JARID2: variants seen among roughly 807,000 people sequenced by gnomAD.
JARID2 encodes jumonji and AT-rich interaction domain containing 2.
In JARID2, 21 loss-of-function variants were observed where a neutral mutation model predicts 125.6. The observed-to-expected ratio is 0.17, with a 90% confidence interval of 0.12 to 0.24. The LOEUF is 0.24. Ranked by LOEUF, JARID2 falls within the 10% of genes least tolerant of loss-of-function variation. The pLI is 1.00. For synonymous variants in JARID2, 736 were observed against 661.6 expected, an observed-to-expected ratio of 1.11 and a Z score of -1.73; for missense variants, 1,303 against 1,639.6, an observed-to-expected ratio of 0.79 and a Z score of 3.55.
Position 15,520,999 on chromosome 6 carries a change from A to G in JARID2, c.*748A>G. ...GAGACCTGTGCCTGATTTCATTAGGAAATCCATTCTGTTATTTTTTGGTGC... is the reference window on the plus strand; with the variant it reads ...GAGACCTGTGCCTGATTTCATTAGGGAATCCATTCTGTTATTTTTTGGTGC... On this transcript the variant is annotated 3_prime_UTR_variant, in exon 18 of 18. Coordinates refer to ENST00000341776, the MANE Select transcript of JARID2 (RefSeq NM_004973.4). 1.0e-5 allele frequency: 2 copies of G among 193,010 alleles called. No individual in the cohort carries two copies. The highest frequency in any genetic ancestry group is 1.2e-4 in the South Asian group (2 of 16,446). The allele number at this position is 193,010 out of a possible 1,614,324, so 12.0% of individuals were successfully genotyped here. A position where few individuals can be genotyped will look rare whatever the true frequency, so the allele number is the denominator to read the frequency against.
At chr6:15,456,907 A>G (rs1456161551) in intron 4 of JARID2, among the ~76,000 whole-genome samples, 2 of 130,186 alleles carry the variant, frequency 1.5e-5, no homozygotes, top group African/African-American at 6.1e-5. Flanking sequence ...TTACAATCAT[A>G]AAAGTAGTTC....
chr6:15,300,309 G>A (rs1761559355), intron 1 of JARID2, among the ~76,000 whole-genome samples: 1 of 152,168 alleles, frequency 6.6e-6, no homozygotes, highest in Non-Finnish European at 1.5e-5. Context: ...TATATTTTAA[G>A]GAAAGGTGTA....
At chr6:15,270,827 G>T (rs1045623027) in intron 1 of JARID2, among the ~76,000 whole-genome samples, 1 of 152,062 alleles carries the variant, frequency 6.6e-6, no homozygotes, top group Non-Finnish European at 1.5e-5. Flanking sequence ...TGTAATCCCA[G>T]GTACTTGGGA....
At chr6:15,317,616 A>G (rs921184569) in intron 1 of JARID2, among the ~76,000 whole-genome samples, 3 of 151,486 alleles carry the variant, frequency 2.0e-5, no homozygotes, top group Non-Finnish European at 4.4e-5. Flanking sequence ...TGATGGGTCC[A>G]TAGTCCACTG....
intron 3 of JARID2, among the ~76,000 whole-genome samples, chr6:15,432,368 C>T (rs1767002609): frequency 6.6e-6 from 1 of 152,166 alleles, no homozygotes; most frequent in Admixed American, 6.5e-5. Context: ...GCAGAGGTGG[C>T]AGTGAGCTGA....
chr6:15,502,602 A>G (rs968996392), intron 8 of JARID2, among the ~76,000 whole-genome samples: 4 of 152,112 alleles, frequency 2.6e-5, no homozygotes, highest in African/African-American at 9.7e-5. Context: ...ACCATCACAC[A>G]TCTTAGAAAT....
intron 1 of JARID2, among the ~76,000 whole-genome samples, chr6:15,263,146 T>A (rs1759952831): frequency 6.6e-6 from 1 of 151,626 alleles, no homozygotes; most frequent in Admixed American, 6.6e-5. Flanking sequence ...CCTTACTGCC[T>A]GTCACTCTCC....
chr6:15,482,106 C>T (rs1184617724), intron 5 of JARID2, among the ~76,000 whole-genome samples: 3 of 152,310 alleles, frequency 2.0e-5, no homozygotes, highest in Non-Finnish European at 1.5e-5. Flanking sequence ...GCTGACTAAC[C>T]ACAGTCACAC....
At chr6:15,464,511 G>T (rs924807674) in intron 4 of JARID2, among the ~76,000 whole-genome samples, 6 of 152,298 alleles carry the variant, frequency 3.9e-5, no homozygotes, top group Middle Eastern at 3.4e-3. Flanking sequence ...GCCCTTGGAG[G>T]ATGATGCCAA....
intron 1 of JARID2, among the ~76,000 whole-genome samples, chr6:15,367,975 A>C (rs1274807038): frequency 1.3e-5 from 2 of 151,786 alleles, no homozygotes; most frequent in Non-Finnish European, 2.9e-5. Flanking sequence ...TTGAGGGCCC[A>C]TATTATTGAA....
intron 1 of JARID2, among the ~76,000 whole-genome samples, chr6:15,347,166 A>G (rs1241348418): frequency 1.3e-5 from 2 of 152,226 alleles, no homozygotes; most frequent in African/African-American, 4.8e-5. Context: ...TTCAGCAGCT[A>G]CTATATATTT....
At chr6:15,458,892 A>G (rs1768318066) in intron 4 of JARID2, among the ~76,000 whole-genome samples, 1 of 152,210 alleles carries the variant, frequency 6.6e-6, no homozygotes, top group Non-Finnish European at 1.5e-5. Flanking sequence ...TAAGCCTCAG[A>G]TTCTGCATGC....
intron 1 of JARID2, among the ~76,000 whole-genome samples, chr6:15,264,507 C>T (rs1393222073): frequency 1.3e-5 from 2 of 152,076 alleles, no homozygotes; most frequent in Non-Finnish European, 2.9e-5. Context: ...GTTTGGCTTA[C>T]TAACAGGAGC....
In JARID2 at chr6:15,499,126, A is replaced by G. The variant is rs559197242; in HGVS notation, c.1946-1781A>G. ...CACCCAGAAGTCTAAGGCGTCTGACATTCTGTCCCAGGGGTACTGACCTGT... is the reference window on the plus strand; with the variant it reads ...CACCCAGAAGTCTAAGGCGTCTGACGTTCTGTCCCAGGGGTACTGACCTGT... On this transcript the variant is annotated intron_variant, in intron 7 of 17. Transcript: ENST00000341776. Among the ~76,000 whole-genome samples, 12 of 152,276 alleles carry G rather than the reference A, an allele frequency of 7.9e-5. No individual in the cohort carries two copies. In the South Asian group the frequency reaches 2.5e-3, roughly 32 times the overall value.
chr6:15,362,284 A>G (rs1763826019), intron 1 of JARID2, among the ~76,000 whole-genome samples: 1 of 152,234 alleles, frequency 6.6e-6, no homozygotes, highest in Non-Finnish European at 1.5e-5. Flanking sequence ...TCTTTGCAAT[A>G]CAGAACGAAC....
intron 1 of JARID2, among the ~76,000 whole-genome samples, chr6:15,338,312 CCT>C (rs1173137869): frequency 6.6e-6 from 1 of 152,222 alleles, no homozygotes; most frequent in Non-Finnish European, 1.5e-5. Flanking sequence ...AGCTTATACT[CCT>C]CTGGAGTGTG....
At chr6:15,473,193 T>C (rs574219222) in intron 5 of JARID2, among the ~76,000 whole-genome samples, 10 of 152,218 alleles carry the variant, frequency 6.6e-5, no homozygotes, top group Non-Finnish European at 1.5e-4. Flanking sequence ...GTGAATGATA[T>C]TAACCATTTA....
At chr6:15,421,469 A>G (rs890038117) in intron 3 of JARID2, among the ~76,000 whole-genome samples, 1 of 152,160 alleles carries the variant, frequency 6.6e-6, no homozygotes, top group Non-Finnish European at 1.5e-5. Flanking sequence ...AAAAAATTCA[A>G]AATTAATAAA....
At chr6:15,508,044 G>A (rs1218318468) in intron 11 of JARID2, among the ~76,000 whole-genome samples, 1 of 152,236 alleles carries the variant, frequency 6.6e-6, no homozygotes, top group Non-Finnish European at 1.5e-5. Flanking sequence ...AGGCTTGGGG[G>A]CTTCGGCCCG....
Sources: allele counts gnomAD v4.1 joint callset (sites outside exome capture counted in the v4.1 genomes callset), GRCh38; gene constraint gnomAD v4.1.1; transcripts MANE v1.5; gene names NCBI Gene and HGNC (gene_info 2026-07-23, HGNC 2026-07-21).